IGF1R: variants seen among roughly 807,000 people sequenced by gnomAD.
IGF1R encodes the protein insulin-like growth factor 1 receptor.
IGF1R carries 44 observed loss-of-function variants against 144.6 expected under a neutral mutation model. That is an observed-to-expected ratio of 0.30 (90% CI 0.24 to 0.39). IGF1R has a LOEUF of 0.39. IGF1R is among the 10% of genes least tolerant of loss of function. IGF1R has a pLI of 1.00. For missense variants in IGF1R, 1,355 were observed against 1,833.7 expected (o/e 0.74, Z 4.77); for synonymous variants, 795 against 722.8 (o/e 1.10, Z -1.60).
In IGF1R at chr15:98,891,048, A is replaced by G. The variant is rs965962443; in HGVS notation, c.641-277A>G. On this transcript the variant is annotated intron_variant, in intron 2 of 20. Coordinates refer to ENST00000650285, the MANE Select transcript of IGF1R (RefSeq NM_000875.5). The surrounding 1 kb of genome is among the most constrained non-coding windows in gnomAD (Gnocchi z 4.7). ...CCTCATTTTACAGATGGGAAGAGAG[A>G]GGATCAAGATCACAGAAGCTAATGG... 1.3e-5 allele frequency among the ~76,000 whole-genome samples: 2 copies of G among 152,220 alleles called. No homozygotes were observed. The highest frequency in any genetic ancestry group is 6.5e-5 in the Admixed American group (1 of 15,280).
intron 2 of IGF1R, among the ~76,000 whole-genome samples, chr15:98,753,332 T>C (rs1262854708): frequency 2.0e-5 from 3 of 148,692 alleles, no homozygotes; most frequent in Non-Finnish European, 4.4e-5. Context: ...TCCTCCCGCC[T>C]GAGCCCCCCA....
chr15:98,721,537 G>A (rs2054246788), intron 2 of IGF1R, among the ~76,000 whole-genome samples: 1 of 152,240 alleles, frequency 6.6e-6, no homozygotes, highest in African/African-American at 2.4e-5. Flanking sequence ...GGTGGCGATG[G>A]CAGTGGCAGC....
At chr15:98,668,423 A>G (rs1024455906) in intron 1 of IGF1R, among the ~76,000 whole-genome samples, 2 of 152,210 alleles carry the variant, frequency 1.3e-5, no homozygotes, top group African/African-American at 4.8e-5. Flanking sequence ...ACAGATCATT[A>G]AAATTTACAT....
At chr15:98,947,337 C>T (rs2016591335) in intron 19 of IGF1R, among the ~76,000 whole-genome samples, 1 of 152,200 alleles carries the variant, frequency 6.6e-6, no homozygotes, top group African/African-American at 2.4e-5. Flanking sequence ...CTCATACAGT[C>T]AGGAGCACTG....
chr15:98,841,990 C>G (rs62617093), intron 2 of IGF1R, among the ~76,000 whole-genome samples: 31 of 152,314 alleles, frequency 2.0e-4, no homozygotes, highest in Middle Eastern at 6.8e-3. Flanking sequence ...TAGATAAACT[C>G]CTTGCTATGA....
Position 98,934,465 on chromosome 15 carries a change from G to T in IGF1R, c.2957-359G>T, listed in dbSNP as rs373203877. On this transcript the variant is annotated intron_variant, in intron 15 of 20. Coordinates refer to ENST00000650285, the MANE Select transcript of IGF1R (RefSeq NM_000875.5). ...ATTTCATTCAGTTTCTCAATCCCCT[G>T]TGGTTAATTTGTTTTTTTCAAAAAT... is the stretch of plus-strand genomic sequence containing the variant. 4.5e-4 allele frequency among the ~76,000 whole-genome samples: 68 copies of T among 152,198 alleles called. 1 individual carries two copies. In the South Asian group the frequency reaches 0.014, roughly 31 times the overall value.
At chr15:98,790,275 G>A (rs1320071329) in intron 2 of IGF1R, among the ~76,000 whole-genome samples, 1 of 152,194 alleles carries the variant, frequency 6.6e-6, no homozygotes, top group Non-Finnish European at 1.5e-5. Flanking sequence ...TCCTTGCCTA[G>A]AAAGATCATC....
At chr15:98,952,610 T>C (rs911256824) in intron 20 of IGF1R, among the ~76,000 whole-genome samples, 3 of 152,172 alleles carry the variant, frequency 2.0e-5, no homozygotes, top group African/African-American at 7.2e-5. Context: ...TGTTCTGTGC[T>C]TTCTCTTTGA....
At chr15:98,727,817 C>T (rs114365614) in intron 2 of IGF1R, among the ~76,000 whole-genome samples, 404 of 152,214 alleles carry the variant, frequency 2.7e-3, no homozygotes, top group African/African-American at 8.9e-3. Flanking sequence ...CTGGGGAAAC[C>T]GCCGGCCGGC....
chr15:98,888,255 C>A (rs1567178870), intron 2 of IGF1R, among the ~76,000 whole-genome samples: 1 of 152,212 alleles, frequency 6.6e-6, no homozygotes, highest in South Asian at 2.1e-4. Flanking sequence ...CATTAAATAG[C>A]TGCTAAATGA....
chr15:98,838,934 T>C (rs904685425), intron 2 of IGF1R, among the ~76,000 whole-genome samples: 2 of 152,212 alleles, frequency 1.3e-5, no homozygotes, highest in Non-Finnish European at 1.5e-5. Flanking sequence ...AGAGCTTCAG[T>C]TGTCTGAGTC....
intron 2 of IGF1R, among the ~76,000 whole-genome samples, chr15:98,752,690 A>G (rs1040281265): frequency 6.6e-6 from 1 of 151,302 alleles, no homozygotes; most frequent in Non-Finnish European, 1.5e-5. Flanking sequence ...TCTCAAAGAA[A>G]AAAAAAAAGA....
At chr15:98,838,638 C>T (rs2011126643) in intron 2 of IGF1R, among the ~76,000 whole-genome samples, 1 of 152,210 alleles carries the variant, frequency 6.6e-6, no homozygotes, top group Non-Finnish European at 1.5e-5. Flanking sequence ...CCAGGCTGAT[C>T]TAATCAGGGT....
At chr15:98,678,449 T>G (rs925378818) in intron 1 of IGF1R, among the ~76,000 whole-genome samples, 1 of 152,126 alleles carries the variant, frequency 6.6e-6, no homozygotes, top group African/African-American at 2.4e-5. Flanking sequence ...AACTGTCCTT[T>G]GAAGGTTTGG....
At chr15:98,949,125 G>A (rs2151727410) in intron 20 of IGF1R, among the ~76,000 whole-genome samples, 1 of 152,292 alleles carries the variant, frequency 6.6e-6, no homozygotes, top group African/African-American at 2.4e-5. Flanking sequence ...CAGGCCTGAG[G>A]GAGCCGCCGC....
chr15:98,793,554 A>G (rs914089421), intron 2 of IGF1R, among the ~76,000 whole-genome samples: 1 of 152,232 alleles, frequency 6.6e-6, no homozygotes, highest in African/African-American at 2.4e-5. Context: ...GCTTCTCTAT[A>G]CTAAAACAGG....
At chr15:98,750,291 C>T (rs1027458291) in intron 2 of IGF1R, among the ~76,000 whole-genome samples, 2 of 152,112 alleles carry the variant, frequency 1.3e-5, no homozygotes, top group African/African-American at 4.8e-5. Flanking sequence ...TCCCTGTTTC[C>T]CTGTGCCCTG....
chr15:98,687,234 G>A (rs1487765800), intron 1 of IGF1R, among the ~76,000 whole-genome samples: 1 of 152,220 alleles, frequency 6.6e-6, no homozygotes, highest in Non-Finnish European at 1.5e-5. Context: ...TCACAGTCCA[G>A]TAGGTAAACG....
intron 2 of IGF1R, among the ~76,000 whole-genome samples, chr15:98,728,889 C>T (rs2054430082): frequency 6.6e-6 from 1 of 152,214 alleles, no homozygotes; most frequent in African/African-American, 2.4e-5. Context: ...GGCTGTGCTA[C>T]CTCTTGGCTC....
Sources: gnomAD v4.1 joint callset for allele counts (sites outside exome capture counted in the v4.1 genomes callset) on GRCh38, gnomAD v4.1.1 for gene constraint, Gnocchi (gnomAD v3.1) non-coding constraint, MANE v1.5 for transcripts, NCBI Gene and HGNC (gene_info 2026-07-23, HGNC 2026-07-21) for gene names.